DHX58: variants seen among roughly 807,000 people sequenced by gnomAD.
DHX58 encodes DExH-box helicase 58.
A neutral mutation model predicts 65.0 loss-of-function variants in DHX58; 51 were observed. That is an observed-to-expected ratio of 0.78 (90% CI 0.63 to 0.99). DHX58 has a LOEUF of 0.99. Among genes scored for constraint, DHX58 ranks in the 50% least tolerant of loss-of-function variants. DHX58 has a pLI of 0.00. For synonymous variants in DHX58, 350 were observed against 365.0 expected, an observed-to-expected ratio of 0.96 and a Z score of 0.47; for missense variants, 773 against 891.8, an observed-to-expected ratio of 0.87 and a Z score of 1.70.
Position 42,111,718 on chromosome 17 carries a change from C to T in DHX58, c.168+7G>A. 2 of 1,606,370 alleles carry T rather than the reference C, an allele frequency of 1.2e-6. No individual in the cohort carries two copies. The highest frequency in any genetic ancestry group is 1.7e-6 in the Non-Finnish European group (2 of 1,174,380). ...GTGGGAGAGCGGGGTAGGGACAGAC[C>T]ACTCACCCTGTTGACCAATACAACC... On this transcript the variant is annotated splice_region_variant and intron_variant, in intron 3 of 13. Coordinates refer to ENST00000251642, the MANE Select transcript of DHX58 (RefSeq NM_024119.3).
In DHX58 at chr17:42,101,596, CG is replaced by C. The variant is rs571543610; in HGVS notation, c.*164del. The C allele has an allele frequency of 6.0e-4, 498 of 830,380 alleles. 2 individuals are homozygous for C. The African/African-American group carries it at 7.6e-3, about 13-fold the overall frequency. The allele number at this position is 830,380 out of a possible 1,614,324, so 51.4% of individuals were successfully genotyped here. On this transcript the variant is annotated 3_prime_UTR_variant, in exon 14 of 14. Coordinates refer to ENST00000251642, the MANE Select transcript of DHX58 (RefSeq NM_024119.3). ...AGGTCTGGACTAAGCTCTGGCCCTC[CG>C]GTTGTTTTCCCATTGCGGGAGCCTA...
rs1283773011 is a variant in DHX58, at chr17:42,107,611, CA to C, written c.989del (p.Leu330ArgfsTer74). 6 of 1,498,156 alleles carry C rather than the reference CA, an allele frequency of 4.0e-6. No homozygotes were observed. Among genetic ancestry groups the C allele is most frequent in the Non-Finnish European group, 5.4e-6 (6 of 1,103,986 alleles). 92.8% of individuals were successfully genotyped at this position (1,498,156 alleles called of 1,614,324 possible). Reference sequence around the variant, plus strand: ...CCCCCTCCCGCCCCTCACCATCGAACAGGGCCAGCAGCCGGCGCTCGGCACA... The same window carrying C: ...CCCCCTCCCGCCCCTCACCATCGAACGGGCCAGCAGCCGGCGCTCGGCACA... ...ILCAERRLLA[L>X]FDDRKNELAH... On this transcript the variant is annotated frameshift_variant, in exon 8 of 14. Coordinates refer to ENST00000251642, the MANE Select transcript of DHX58 (RefSeq NM_024119.3). LOFTEE classifies it high-confidence loss of function.
In DHX58 at chr17:42,107,984, G is replaced by A. The variant is rs1266368630; in HGVS notation, c.803C>T (p.Ala268Val). ...YEQQVVKLSE[A>V]AALAGLQEQR... ...GCCAGAAGGGCTGCCCCTCTCACCA[G>A]CCTCACTCAGCTTCACCACCTGCTG... The change falls in exon 7 of 14, where the codon GCT (alanine) becomes GTT (valine). Residue 268 changes from alanine to valine, a missense_variant and splice_region_variant. Transcript: ENST00000251642. 1.2e-6 allele frequency: 2 copies of A among 1,614,108 alleles called. No individual in the cohort carries two copies. Among genetic ancestry groups the A allele is most frequent in the Non-Finnish European group, 1.7e-6 (2 of 1,180,042 alleles).
intron 9 of DHX58, 120 bp downstream of exon 9, chr17:42,105,616 C>T (rs2054044330): frequency 1.4e-6 from 2 of 1,471,596 alleles, no homozygotes; most frequent in Non-Finnish European, 8.9e-7. Flanking sequence ...TGGGGATAGT[C>T]AACTTTCTCT....
rs1555662222 is a variant in DHX58, at chr17:42,104,802, A to G, written c.1527T>C (p.Ala509=). 6.2e-7 allele frequency: 1 copy of G among 1,614,088 alleles called. No individual in the cohort carries two copies. The highest frequency in any genetic ancestry group is 8.5e-7 in the Non-Finnish European group (1 of 1,180,020). Residue 509 remains alanine, a synonymous_variant, in exon 11 of 14, where the codon GCT becomes GCC. Transcript: ENST00000251642. The part of the protein sequence containing the change: ...LETLMEQAVA[A]VQKMDQAEYQ... ...ACTCGGCCTGGTCCATTTTCTGCACAGCAGCCACTGCCTGCTCCATCAGCG... is the reference window on the plus strand; with the variant it reads ...ACTCGGCCTGGTCCATTTTCTGCACGGCAGCCACTGCCTGCTCCATCAGCG...
At chr17:42,109,198 G>A (rs1433252164) in intron 6 of DHX58, 72 bp downstream of exon 6, 6 of 1,341,334 alleles carry the variant, frequency 4.5e-6, no homozygotes, top group Non-Finnish European at 5.2e-6. Context: ...TGAGGGCAGA[G>A]TCAGGGCCCA....
chr17:42,108,525 C>A (rs1015848704), intron 6 of DHX58, among the ~76,000 whole-genome samples: 1 of 152,222 alleles, frequency 6.6e-6, no homozygotes, highest in African/African-American at 2.4e-5. Context: ...TGGTTCAGCT[C>A]GGCACGGCAG....
At chr17:42,105,248 T>C (rs2143991674) in intron 9 of DHX58, 81 bp from the exon 10 acceptor site, 1 of 1,472,520 alleles carries the variant, frequency 6.8e-7, no homozygotes, top group Non-Finnish European at 9.0e-7. Flanking sequence ...AGTAGCCTCT[T>C]CTGGTTCAGC....
rs782694745 is a variant in DHX58 at position 42,111,472 on chromosome 17, T to A, written c.194A>T (p.Glu65Val). ...NRVHLVTQHG[E>V]EFRRMLDGRW... is the part of the protein sequence containing the mutation. Reference sequence around the variant, plus strand: ...TCCATCCAGCATGCGCCTGAACTCTTCACCATGCTGGGTCACCAGGTGCAC... The same window carrying A: ...TCCATCCAGCATGCGCCTGAACTCTACACCATGCTGGGTCACCAGGTGCAC... The change falls in exon 4 of 14, where the codon GAA becomes GTA. Residue 65 changes from glutamate to valine, a missense_variant. Coordinates refer to ENST00000251642, the MANE Select transcript of DHX58 (RefSeq NM_024119.3). 2 of 1,614,078 alleles carry A rather than the reference T, an allele frequency of 1.2e-6. No homozygotes were observed. The highest frequency in any genetic ancestry group is 1.1e-5 in the South Asian group (1 of 91,086).
At chr17:42,109,510 C>T (rs1393345946) in intron 5 of DHX58, 124 bp from the exon 6 acceptor site, 12 of 745,426 alleles carry the variant, frequency 1.6e-5, no homozygotes, top group Non-Finnish European at 2.4e-5. Flanking sequence ...TCAAATATTG[C>T]TCGCCCTCTC....
chr17:42,102,118 G>T, intron 13 of DHX58, 98 bp downstream of exon 13: 1 of 1,476,250 alleles, frequency 6.8e-7, no homozygotes, highest in Non-Finnish European at 9.4e-7. Context: ...GAGGCCATGG[G>T]GTGGGACTGT....
chr17:42,110,014 C>T (rs1436989382), intron 5 of DHX58, among the ~76,000 whole-genome samples: 6 of 151,792 alleles, frequency 4.0e-5, no homozygotes, highest in East Asian at 1.9e-4. Context: ...GGTGAAACCC[C>T]GTCTCTACTA....
chr17:42,107,591 T>G lies in DHX58; in HGVS notation c.997+13A>C. 3.7e-5 allele frequency: 31 copies of G among 837,002 alleles called. No homozygotes were observed. Among genetic ancestry groups the G allele is most frequent in the Non-Finnish European group, 4.7e-5 (26 of 550,786 alleles). 51.8% of individuals were successfully genotyped at this position (837,002 alleles called of 1,614,324 possible). A position where few individuals can be genotyped will look rare whatever the true frequency, so the allele number is the denominator to read the frequency against. On this transcript the variant is annotated intron_variant, in intron 8 of 13. Transcript: ENST00000251642. ...CATCATCCCCGGCCCCGAAGCCCCC[T>G]CCCGCCCCTCACCATCGAACAGGGC...
chr17:42,110,942 C>T, intron 4 of DHX58, 29 bp from the exon 5 acceptor site: 1 of 1,558,708 alleles, frequency 6.4e-7, no homozygotes, highest in Non-Finnish European at 8.7e-7. Context: ...AGGCTGTGAC[C>T]TATGTTTGCA....
chr17:42,106,156 C>A (rs1452357910), intron 8 of DHX58, among the ~76,000 whole-genome samples, 167 bp from the exon 9 acceptor site: 2 of 134,272 alleles, frequency 1.5e-5, no homozygotes, highest in African/African-American at 2.8e-5. Context: ...GAGACTCTGT[C>A]TGGGAAAAAA....
At position 42,105,885 on chromosome 17, in the gene DHX58, G is replaced by T. The variant is rs1426828011; in HGVS notation, c.1102C>A (p.Pro368Thr). 20 of 1,613,814 alleles carry T rather than the reference G, an allele frequency of 1.2e-5. No homozygotes were observed. The highest frequency in any genetic ancestry group is 1.7e-5 in the Non-Finnish European group (20 of 1,180,020). Residue 368 changes from proline (P) to threonine (T), a missense_variant, in exon 9 of 14, where the codon CCT becomes ACT. Physicochemically the swap from Pro to Thr is conservative, Grantham distance 38. Transcript: ENST00000251642. ...LQRQFSSSNS[P>T]RGIIFTRTRQ... Reference sequence around the variant, plus strand: ...GTGCGGGTGAAGATGATACCCCGAGGGCTGTTAGAGCTACTGAACTGCCTT... The same window carrying T: ...GTGCGGGTGAAGATGATACCCCGAGTGCTGTTAGAGCTACTGAACTGCCTT...
intron 8 of DHX58, among the ~76,000 whole-genome samples, chr17:42,106,317 GGAAA>G (rs60324801): frequency 7.0e-6 from 1 of 143,406 alleles, no homozygotes; most frequent in Admixed American, 6.9e-5. Flanking sequence ...AGGGAGGGAG[GGAAA>G]GAAAGAAAGA....
Position 42,104,637 on chromosome 17 carries a change from C to T in DHX58, c.1563+129G>A, listed in dbSNP as rs976165357. The T allele has an allele frequency of 4.6e-6, 6 of 1,300,766 alleles. No individual in the cohort carries two copies. The Admixed American group carries it at 1.4e-4, about 31-fold the overall frequency. The allele number at this position is 1,300,766 out of a possible 1,614,324, so 80.6% of individuals were successfully genotyped here. ...CACCCCGGCCCTTATTTAAACCTTC[C>T]CTAGGTGGCCAAAGTTAGCCCCGAG... On this transcript the variant is annotated intron_variant, in intron 11 of 13. Transcript: ENST00000251642.
intron 11 of DHX58, among the ~76,000 whole-genome samples, 155 bp from the exon 12 acceptor site, chr17:42,103,953 C>T (rs1477896481): frequency 6.6e-6 from 1 of 152,242 alleles, no homozygotes; most frequent in East Asian, 1.9e-4. Flanking sequence ...TGTGATGATG[C>T]AGTAACTCAT....
Sources: allele counts gnomAD v4.1 joint callset (sites outside exome capture counted in the v4.1 genomes callset), GRCh38; gene constraint gnomAD v4.1.1; transcripts MANE v1.5; gene names NCBI Gene and HGNC (gene_info 2026-07-23, HGNC 2026-07-21).